PLCL2: variants seen among roughly 807,000 people sequenced by gnomAD.
PLCL2 encodes the protein phospholipase C like 2, also known as inactive phospholipase C-like protein 2.
In PLCL2, 4 loss-of-function variants were observed where a neutral mutation model predicts 79.6. The ratio of observed to expected loss-of-function variants is 0.05; its 90% confidence interval spans 0.02 to 0.11. The LOEUF (loss-of-function observed/expected upper bound fraction) is 0.11, where lower values mean the gene tolerates loss of function less well. Among genes scored for constraint, PLCL2 ranks in the 10% least tolerant of loss-of-function variants. The pLI, the probability that PLCL2 is intolerant of heterozygous loss-of-function variation, is 1.00. For synonymous variants in PLCL2, 484 were observed against 457.7 expected, an observed-to-expected ratio of 1.06 and a Z score of -0.73; for missense variants, 895 against 1,291.0, an observed-to-expected ratio of 0.69 and a Z score of 4.70.
chr3:16,969,076 A>T (rs1429100198), intron 1 of PLCL2, among the ~76,000 whole-genome samples: 1 of 152,152 alleles, frequency 6.6e-6, no homozygotes, highest in African/African-American at 2.4e-5. Context: ...CCAACCTTGC[A>T]TCTCAGGGAT....
intron 1 of PLCL2, among the ~76,000 whole-genome samples, chr3:16,928,520 A>T (rs1364955550): frequency 6.6e-6 from 1 of 152,180 alleles, no homozygotes; most frequent in Non-Finnish European, 1.5e-5. Context: ...ACCAAGAAGG[A>T]CATAGGAGAA....
intron 1 of PLCL2, among the ~76,000 whole-genome samples, chr3:16,962,120 A>G (rs925711904): frequency 2.0e-5 from 3 of 152,228 alleles, no homozygotes; most frequent in African/African-American, 7.2e-5. Flanking sequence ...AACTACAGGG[A>G]TAAGTAGACA....
At chr3:17,042,643 C>G (rs922842744) in intron 3 of PLCL2, 1 of 432,194 alleles carries the variant, frequency 2.3e-6, no homozygotes, top group Non-Finnish European at 4.3e-6. Context: ...GTTGTACTAG[C>G]CTCACTGCAC....
At chr3:16,954,422 A>G (rs952631424) in intron 1 of PLCL2, among the ~76,000 whole-genome samples, 2 of 152,048 alleles carry the variant, frequency 1.3e-5, no homozygotes, top group African/African-American at 2.4e-5. Flanking sequence ...AATCCAGTCT[A>G]TCGTTGTTGG....
At chr3:16,969,011 G>A (rs2063832835) in intron 1 of PLCL2, among the ~76,000 whole-genome samples, 1 of 151,892 alleles carries the variant, frequency 6.6e-6, no homozygotes, top group Admixed American at 6.6e-5. Context: ...TGTTCATGTG[G>A]TTTTTAAGTT....
chr3:16,958,470 G>A (rs1232214562), intron 1 of PLCL2, among the ~76,000 whole-genome samples: 1 of 152,068 alleles, frequency 6.6e-6, no homozygotes, highest in Non-Finnish European at 1.5e-5. Context: ...TAAAAAAAGT[G>A]CAAGCAAAAA....
intron 1 of PLCL2, among the ~76,000 whole-genome samples, chr3:16,927,711 T>C (rs1011899715): frequency 1.3e-5 from 2 of 151,652 alleles, no homozygotes; most frequent in Non-Finnish European, 3.0e-5. Context: ...GGGTTCCCCC[T>C]ACCTGCCTGT....
intron 1 of PLCL2, among the ~76,000 whole-genome samples, chr3:16,967,176 A>G (rs2063816257): frequency 1.3e-5 from 2 of 152,054 alleles, no homozygotes; most frequent in South Asian, 4.1e-4. Flanking sequence ...GTTGATGGGT[A>G]TTTAGGTTTA....
rs571329688 is a variant in PLCL2 at position 16,926,696 on chromosome 3, A to G, written c.327+41330A>G. On this transcript the variant is annotated intron_variant, in intron 1 of 5. Transcript: ENST00000615277. ...TCCCACGCTGGAGTGCAGTGGTGCA[A>G]TCTTGGCTCACTGCAGGCTCTGCCT... Among the ~76,000 whole-genome samples, 10 of 151,978 alleles carry G rather than the reference A, an allele frequency of 6.6e-5. 1 individual carries two copies. In the South Asian group the frequency reaches 1.9e-3, roughly 28 times the overall value.
At chr3:16,996,364 G>A (rs2064153137) in intron 1 of PLCL2, among the ~76,000 whole-genome samples, 1 of 152,046 alleles carries the variant, frequency 6.6e-6, no homozygotes, top group Non-Finnish European at 1.5e-5. Flanking sequence ...CAGGAAGGAA[G>A]AGAGTAGACC....
intron 4 of PLCL2, among the ~76,000 whole-genome samples, chr3:17,061,798 C>G (rs1383078293): frequency 6.6e-6 from 1 of 152,110 alleles, no homozygotes; most frequent in Non-Finnish European, 1.5e-5. Context: ...TTTGGGCAGT[C>G]CTCACCATGA....
chr3:17,051,168 C>T (rs917502069), intron 4 of PLCL2, among the ~76,000 whole-genome samples: 6 of 136,958 alleles, frequency 4.4e-5, no homozygotes, highest in East Asian at 2.5e-4. Flanking sequence ...GAGGTCAGGG[C>T]GGGGGAGGTG....
intron 4 of PLCL2, among the ~76,000 whole-genome samples, chr3:17,067,055 C>T (rs1032283959): frequency 6.6e-6 from 1 of 152,118 alleles, no homozygotes; most frequent in Non-Finnish European, 1.5e-5. Context: ...CCCTCCACCA[C>T]ATACATGTAA....
At chr3:16,892,102 G>C (rs1291833322) in intron 1 of PLCL2, among the ~76,000 whole-genome samples, 1 of 152,190 alleles carries the variant, frequency 6.6e-6, no homozygotes, top group Non-Finnish European at 1.5e-5. Context: ...ATAAATAAGG[G>C]GACAAGAATG....
rs779334869 is a variant in PLCL2 at position 17,011,521 on chromosome 3, C to T, written c.2175C>T (p.Gly725=). 3.1e-6 allele frequency: 5 copies of T among 1,614,170 alleles called. No homozygotes were observed. Among genetic ancestry groups the T allele is most frequent in the South Asian group, 1.1e-5 (1 of 91,076 alleles). ...IGWFRQNGNC[G]YVLRPAIMRE... ...GGTTTAGGCAGAACGGAAACTGTGG[C>T]TATGTCCTCCGGCCAGCCATCATGA... is the stretch of plus-strand genomic sequence containing the variant. Residue 725 remains glycine, a synonymous_variant, in exon 2 of 6, where the codon GGC becomes GGT. Transcript: ENST00000615277. This position sits in a 1 kb window ranked among gnomAD's most constrained non-coding sequence, Gnocchi z 7.9.
Position 17,014,847 on chromosome 3 carries a change from C to T in PLCL2, c.2954C>T (p.Pro985Leu), listed in dbSNP as rs1368141291. 6.2e-7 allele frequency: 1 copy of T among 1,613,990 alleles called. No homozygotes were observed. Among genetic ancestry groups the T allele is most frequent in the Non-Finnish European group, 8.5e-7 (1 of 1,179,988 alleles). The change falls in exon 3 of 6, where the codon CCC becomes CTC. Residue 985 changes from proline (P) to leucine (L), a missense_variant. Pro to Leu is a moderately conservative substitution (Grantham distance 98). Transcript: ENST00000615277. Reference protein sequence around the residue: ...LVVLNLSEQYPTMELQGIVPE... With the variant: ...LVVLNLSEQYLTMELQGIVPE... The stretch of plus-strand genomic sequence containing the variant: ...GTCCTAAATCTCAGCGAGCAGTACC[C>T]CACAATGGAGCTGCAGGGAATTGTG...
At chr3:16,959,418 G>C (rs4685409) in intron 1 of PLCL2, among the ~76,000 whole-genome samples, 92,497 of 151,980 alleles carry the variant, frequency 0.61, 28,742 homozygotes, top group African/African-American at 0.73. Context: ...TTCCACAGCA[G>C]TAATGTTGCT....
At chr3:17,031,897 G>A (rs192788462) in intron 3 of PLCL2, among the ~76,000 whole-genome samples, 18 of 129,840 alleles carry the variant, frequency 1.4e-4, no homozygotes, top group Admixed American at 4.5e-4. Context: ...TTGCAGGGTA[G>A]TTTAGGTTCT....
chr3:16,968,510 A>T (rs116811217), intron 1 of PLCL2, among the ~76,000 whole-genome samples: 3,181 of 151,942 alleles, frequency 0.021, 56 homozygotes, highest in South Asian at 0.043. Context: ...GTATTTATAG[A>T]TATTTTATTC....
Sources: allele counts gnomAD v4.1 joint callset (sites outside exome capture counted in the v4.1 genomes callset), GRCh38; gene constraint gnomAD v4.1.1; non-coding constraint Gnocchi (gnomAD v3.1); transcripts MANE v1.5; gene names NCBI Gene and HGNC (gene_info 2026-07-23, HGNC 2026-07-21).